Variants in SGCZ observed in about 807,000 individuals in gnomAD.
SGCZ encodes sarcoglycan zeta, also known as zeta-sarcoglycan.
Under a neutral mutation model 41.3 loss-of-function variants are expected in SGCZ, and 40 were observed. The observed-to-expected ratio is 0.97, with a 90% confidence interval of 0.75 to 1.26. The LOEUF (loss-of-function observed/expected upper bound fraction) is 1.26. Ranked by LOEUF, SGCZ falls within the 50% of genes most tolerant of loss-of-function variation. SGCZ has a pLI of 0.00. For missense variants in SGCZ, 552 were observed against 369.8 expected (o/e 1.49, Z -4.04); for synonymous variants, 206 against 137.5 (o/e 1.50, Z -3.49).
chr8:14,369,604 A>T (rs996804421), intron 2 of SGCZ, among the ~76,000 whole-genome samples: 2 of 152,122 alleles, frequency 1.3e-5, no homozygotes, highest in Non-Finnish European at 2.9e-5. Flanking sequence ...GTCGTTTGGG[A>T]ATATGAAAAT....
chr8:14,936,617 C>T (rs916047894), intron 1 of SGCZ, among the ~76,000 whole-genome samples: 4 of 151,728 alleles, frequency 2.6e-5, no homozygotes, highest in African/African-American at 9.7e-5. Flanking sequence ...ACTTTGAACC[C>T]AGTCATTATA....
chr8:14,356,012 T>G (rs1403464358), intron 2 of SGCZ, among the ~76,000 whole-genome samples: 1 of 152,182 alleles, frequency 6.6e-6, no homozygotes, highest in Admixed American at 6.5e-5. Flanking sequence ...TATTTTCTTT[T>G]CCTGGGCTAG....
chr8:14,915,695 T>C (rs1799413792), intron 1 of SGCZ, among the ~76,000 whole-genome samples: 1 of 152,130 alleles, frequency 6.6e-6, no homozygotes, highest in Admixed American at 6.6e-5. Context: ...GTTCCCTTCG[T>C]AGTAAATCAA....
intron 1 of SGCZ, among the ~76,000 whole-genome samples, chr8:14,766,942 G>C (rs1248351125): frequency 6.6e-6 from 1 of 152,018 alleles, no homozygotes; most frequent in Non-Finnish European, 1.5e-5. Context: ...AAGATGTACA[G>C]AGAAGCCTAA....
At chr8:14,413,773 T>C (rs1799422703) in intron 2 of SGCZ, among the ~76,000 whole-genome samples, 1 of 151,954 alleles carries the variant, frequency 6.6e-6, no homozygotes. Context: ...ACACCCACAT[T>C]CTAACGAAGA....
intron 2 of SGCZ, among the ~76,000 whole-genome samples, chr8:14,460,224 T>G (rs1311501341): frequency 6.6e-6 from 1 of 152,170 alleles, no homozygotes; most frequent in Non-Finnish European, 1.5e-5. Context: ...AAATATGAGG[T>G]ACTTTTTACT....
Position 14,087,386 on chromosome 8 carries a change from C to A in SGCZ, c.*3057G>T, listed in dbSNP as rs115930578. Among the ~76,000 whole-genome samples the A allele has an allele frequency of 5.1e-3, 774 of 151,398 alleles. 7 individuals are homozygous for A. The highest frequency in any genetic ancestry group is 0.017 in the African/African-American group (708 of 41,372). On this transcript the variant is annotated 3_prime_UTR_variant, in exon 8 of 8. Transcript: ENST00000382080. Reference sequence around the variant, plus strand: ...CTCTTTGCATCTTTCCTTTTGTGATCCCCCAAACCTGAATTCAGATACATC... The same window carrying A: ...CTCTTTGCATCTTTCCTTTTGTGATACCCCAAACCTGAATTCAGATACATC...
chr8:14,789,330 C>T (rs1563270532), intron 1 of SGCZ, among the ~76,000 whole-genome samples: 1 of 152,152 alleles, frequency 6.6e-6, no homozygotes, highest in Non-Finnish European at 1.5e-5. Context: ...GGAATATGCA[C>T]ATCAGATAAT....
intron 6 of SGCZ, among the ~76,000 whole-genome samples, chr8:14,103,814 A>T (rs1230986846): frequency 1.3e-5 from 2 of 152,178 alleles, no homozygotes; most frequent in Non-Finnish European, 2.9e-5. Flanking sequence ...TCCATAGAAT[A>T]TTTGAAAACT....
At chr8:15,076,382 A>G (rs1407191972) in intron 1 of SGCZ, among the ~76,000 whole-genome samples, 1 of 152,168 alleles carries the variant, frequency 6.6e-6, no homozygotes, top group Non-Finnish European at 1.5e-5. Flanking sequence ...GATGGGAGAG[A>G]GAAAAGGAGA....
intron 1 of SGCZ, among the ~76,000 whole-genome samples, chr8:14,990,704 G>T (rs1207714394): frequency 1.3e-5 from 2 of 151,990 alleles, no homozygotes; most frequent in Non-Finnish European, 2.9e-5. Context: ...AATAATAATA[G>T]AAATAAAGTG....
intron 1 of SGCZ, among the ~76,000 whole-genome samples, chr8:14,849,969 T>G (rs1418865405): frequency 6.6e-6 from 1 of 152,220 alleles, no homozygotes; most frequent in African/African-American, 2.4e-5. Context: ...AATTTTGGTT[T>G]CTTTTTACAT....
intron 1 of SGCZ, among the ~76,000 whole-genome samples, chr8:15,153,594 T>A (rs1422544475): frequency 2.6e-5 from 4 of 152,142 alleles, no homozygotes; most frequent in Non-Finnish European, 5.9e-5. Context: ...AGGCTTGGAC[T>A]ATCTCCTCGG....
intron 5 of SGCZ, among the ~76,000 whole-genome samples, chr8:14,131,079 G>C (rs1241933033): frequency 1.3e-5 from 2 of 152,088 alleles, no homozygotes; most frequent in East Asian, 1.9e-4. Flanking sequence ...CTCTGCAGGA[G>C]GGATCTTTGA....
At chr8:14,776,562 A>G (rs936061085) in intron 1 of SGCZ, among the ~76,000 whole-genome samples, 6 of 119,530 alleles carry the variant, frequency 5.0e-5, no homozygotes, top group African/African-American at 1.6e-4. Flanking sequence ...TCTGTCGCCC[A>G]TGCTCACTGC....
At chr8:14,551,592 ATATAT>A (rs1803863028) in intron 2 of SGCZ, among the ~76,000 whole-genome samples, 1 of 46,134 alleles carries the variant, frequency 2.2e-5, no homozygotes, top group African/African-American at 1.2e-4. Flanking sequence ...TATATATAAT[ATATAT>A]TATATATATT....
intron 1 of SGCZ, among the ~76,000 whole-genome samples, chr8:15,053,289 CT>C (rs1269198841): frequency 6.6e-6 from 1 of 152,048 alleles, no homozygotes; most frequent in Non-Finnish European, 1.5e-5. Context: ...CACAGTTTTT[CT>C]TTTATTTGTT....
chr8:14,584,290 G>C (rs1804989127), intron 1 of SGCZ, among the ~76,000 whole-genome samples: 1 of 152,122 alleles, frequency 6.6e-6, no homozygotes, highest in Non-Finnish European at 1.5e-5. Flanking sequence ...GGTAACCCGA[G>C]AAAGTCATGA....
chr8:14,172,544 A>G (rs188515027), intron 4 of SGCZ, among the ~76,000 whole-genome samples: 3 of 152,298 alleles, frequency 2.0e-5, no homozygotes, highest in African/African-American at 7.2e-5. Flanking sequence ...TTATTTTCTC[A>G]TGTAAACAGT....
Sources: allele counts gnomAD v4.1 joint callset (sites outside exome capture counted in the v4.1 genomes callset), GRCh38; gene constraint gnomAD v4.1.1; transcripts MANE v1.5; gene names NCBI Gene and HGNC (gene_info 2026-07-23, HGNC 2026-07-21).